Variants in INPP4B observed in about 807,000 individuals in gnomAD.
INPP4B encodes the protein inositol polyphosphate 4-phosphatase type II.
Under a neutral mutation model 122.5 loss-of-function variants are expected in INPP4B, and 55 were observed. The ratio of observed to expected loss-of-function variants is 0.45; its 90% CI spans 0.36 to 0.56. INPP4B has a LOEUF of 0.56. Ranked by LOEUF, INPP4B falls within the 20% of genes least tolerant of loss-of-function variation. The probability of loss-of-function intolerance (pLI) is 0.00; values close to 1 mark genes in which losing one functional copy is unlikely to be tolerated. For missense variants in INPP4B, 1,000 were observed against 1,097.7 expected (o/e 0.91, Z 1.26); for synonymous variants, 403 against 388.7 (o/e 1.04, Z -0.43).
chr4:142,346,163 A>G lies in INPP4B; in HGVS notation c.373-31401T>C, dbSNP rs77083680. ...GCTGAGCTGGGCACTTAATTTAAGT[A>G]GACATGGTCTCTGCAGCCTAGGGAT... On this transcript the variant is annotated intron_variant, in intron 7 of 25. Transcript: ENST00000262992. Among the ~76,000 whole-genome samples the G allele has an allele frequency of 4.5e-3, 682 of 152,204 alleles. 9 individuals carry two copies. Among genetic ancestry groups the G allele is most frequent in the African/African-American group, 0.016 (648 of 41,566 alleles).
At chr4:142,328,815 T>TA (rs1389151730) in intron 7 of INPP4B, among the ~76,000 whole-genome samples, 7 of 152,250 alleles carry the variant, frequency 4.6e-5, no homozygotes, top group Non-Finnish European at 1.0e-4. Context: ...GGATTCTTGA[T>TA]AATTTTTAAG....
chr4:142,368,391 G>A (rs534754902), intron 7 of INPP4B, among the ~76,000 whole-genome samples: 5 of 151,562 alleles, frequency 3.3e-5, no homozygotes, highest in Non-Finnish European at 5.9e-5. Context: ...CAACTTTTTG[G>A]GCAATGGCAT....
At position 142,404,804 on chromosome 4, in the gene INPP4B, C is replaced by A. The variant is rs939731559; in HGVS notation, c.255+402G>T. Among the ~76,000 whole-genome samples the A allele has an allele frequency of 9.2e-5, 14 of 151,804 alleles. No individual in the cohort carries two copies. In the East Asian group the frequency reaches 2.7e-3, roughly 29 times the overall value. ...ATTTCTCTGGGTACTGTACAACTTT[C>A]TTTTTTTTCCTCAAAATAAATATTT... On this transcript the variant is annotated intron_variant, in intron 6 of 25. Coordinates refer to ENST00000262992, the MANE Select transcript of INPP4B (RefSeq NM_001101669.3).
chr4:142,745,178 G>C (rs1768526662), intron 1 of INPP4B, among the ~76,000 whole-genome samples: 1 of 151,466 alleles, frequency 6.6e-6, no homozygotes, highest in South Asian at 2.1e-4. Flanking sequence ...TTTTAAAAGA[G>C]CTAAGAAGCC....
chr4:142,135,169 A>G (rs572026472), intron 18 of INPP4B, among the ~76,000 whole-genome samples: 3 of 152,334 alleles, frequency 2.0e-5, no homozygotes, highest in Non-Finnish European at 2.9e-5. Context: ...CTAGGCCTTC[A>G]TTCCACAATA....
At chr4:142,189,374 T>C (rs990528168) in intron 15 of INPP4B, among the ~76,000 whole-genome samples, 1 of 152,216 alleles carries the variant, frequency 6.6e-6, no homozygotes, top group Non-Finnish European at 1.5e-5. Context: ...CCAATGCCTG[T>C]TGTATTTGAT....
At chr4:142,429,104 T>C (rs1197775023) in intron 5 of INPP4B, 69 bp downstream of exon 5, 16 of 793,612 alleles carry the variant, frequency 2.0e-5, no homozygotes, top group Non-Finnish European at 3.3e-5. Context: ...GTAAGCAATC[T>C]ACCTATACTT....
At chr4:142,641,504 G>T (rs1337787842) in intron 2 of INPP4B, among the ~76,000 whole-genome samples, 1 of 149,406 alleles carries the variant, frequency 6.7e-6, no homozygotes, top group Non-Finnish European at 1.5e-5. Context: ...CCAGCTATCA[G>T]TGAGAACATG....
intron 11 of INPP4B, among the ~76,000 whole-genome samples, chr4:142,245,403 G>A (rs1280082601): frequency 6.6e-6 from 1 of 152,144 alleles, no homozygotes; most frequent in Non-Finnish European, 1.5e-5. Context: ...TAAGTTGTAA[G>A]GAAGAGGTCC....
chr4:142,571,279 T>C (rs1191715483), intron 2 of INPP4B, among the ~76,000 whole-genome samples: 2 of 152,020 alleles, frequency 1.3e-5, no homozygotes, highest in African/African-American at 4.8e-5. Flanking sequence ...AACCTAGTTA[T>C]CCTGAGCAAT....
chr4:142,488,590 T>C lies in INPP4B; in HGVS notation c.-190-25864A>G, dbSNP rs145797391. On this transcript the variant is annotated intron_variant, in intron 2 of 25. Coordinates refer to ENST00000262992, the MANE Select transcript of INPP4B (RefSeq NM_001101669.3). ...AGGACTGCTCATATATTTTGTTTTTTACTTATGTCAATTTTGTTAAGTTGT... is the reference window on the plus strand; with the variant it reads ...AGGACTGCTCATATATTTTGTTTTTCACTTATGTCAATTTTGTTAAGTTGT... Among the ~76,000 whole-genome samples, 586 of 152,206 alleles carry C rather than the reference T, an allele frequency of 3.9e-3. 4 individuals are homozygous for C. The highest frequency in any genetic ancestry group is 0.013 in the African/African-American group (545 of 41,584).
At chr4:142,690,801 G>A (rs1342328223) in intron 2 of INPP4B, among the ~76,000 whole-genome samples, 1 of 152,090 alleles carries the variant, frequency 6.6e-6, no homozygotes, top group Non-Finnish European at 1.5e-5. Flanking sequence ...GTACAGCAAA[G>A]CAAGGGTTTA....
At chr4:142,545,690 T>TATATATGTGTATATATATACAC (rs1407616552) in intron 2 of INPP4B, among the ~76,000 whole-genome samples, 15 of 119,528 alleles carry the variant, frequency 1.3e-4, no homozygotes, top group African/African-American at 4.9e-4. Flanking sequence ...AATACACACA[T>TATATATGTGTATATATATACAC]ATATATGTGT....
intron 10 of INPP4B, among the ~76,000 whole-genome samples, chr4:142,269,449 A>G (rs1303438649): frequency 6.6e-6 from 1 of 152,186 alleles, no homozygotes; most frequent in South Asian, 2.1e-4. Context: ...CAAAATAAAC[A>G]TCTAAATTAA....
chr4:142,422,082 G>T (rs1807017895), intron 5 of INPP4B, among the ~76,000 whole-genome samples: 2 of 152,000 alleles, frequency 1.3e-5, no homozygotes, highest in African/African-American at 4.8e-5. Flanking sequence ...TTCTTAATCT[G>T]TCCAGTAATG....
intron 2 of INPP4B, among the ~76,000 whole-genome samples, chr4:142,471,297 T>A (rs1430647822): frequency 6.6e-6 from 1 of 152,200 alleles, no homozygotes; most frequent in Non-Finnish European, 1.5e-5. Flanking sequence ...ATAGCTTTTT[T>A]TTTAAAGCAT....
At chr4:142,259,856 T>C (rs2627835) in intron 11 of INPP4B, among the ~76,000 whole-genome samples, 116,303 of 152,056 alleles carry the variant, frequency 0.76, 45,416 homozygotes, top group East Asian at 0.93. Flanking sequence ...TAGGCCCACA[T>C]GGGGTCAGGA....
chr4:142,202,559 G>A (rs1278882187), intron 14 of INPP4B, among the ~76,000 whole-genome samples: 1 of 152,024 alleles, frequency 6.6e-6, no homozygotes. Context: ...AGCTCTAGAA[G>A]CTCCTCTCTT....
At position 142,252,317 on chromosome 4, in the gene INPP4B, T is replaced by C. The variant is rs893466139; in HGVS notation, c.688+8175A>G. ...CATTCTCCTGCCTCAGCCTCCCGAG[T>C]AGCTGGGACTACAGGCGCCCGCTAC... On this transcript the variant is annotated intron_variant, in intron 11 of 25. Coordinates refer to ENST00000262992, the MANE Select transcript of INPP4B (RefSeq NM_001101669.3). Among the ~76,000 whole-genome samples the C allele has an allele frequency of 4.7e-5, 7 of 150,526 alleles. 2 individuals carry two copies. In the Admixed American group the frequency reaches 4.7e-4, roughly 10 times the overall value.
Sources: allele counts gnomAD v4.1 joint callset (sites outside exome capture counted in the v4.1 genomes callset), GRCh38; gene constraint gnomAD v4.1.1; transcripts MANE v1.5; gene names NCBI Gene and HGNC (gene_info 2026-07-23, HGNC 2026-07-21).